The following KIRREL3 variants were observed in gnomAD, a reference collection of about 807,000 sequenced individuals.
KIRREL3 encodes kirre like nephrin family adhesion molecule 3, also known as kin of IRRE-like protein 3.
In KIRREL3, 36 loss-of-function variants were observed where a neutral mutation model predicts 89.7. The ratio of observed to expected loss-of-function variants is 0.40; its 90% CI spans 0.31 to 0.53. The LOEUF (loss-of-function observed/expected upper bound fraction) is 0.53. Ranked by LOEUF, KIRREL3 falls within the 20% of genes least tolerant of loss-of-function variation. KIRREL3 has a pLI of 0.49. For missense variants in KIRREL3, 864 were observed against 1,056.6 expected, an observed-to-expected ratio of 0.82 and a Z score of 2.53; for synonymous variants, 445 against 441.4, an observed-to-expected ratio of 1.01 and a Z score of -0.10.
rs1591689163 is a variant in KIRREL3 at position 126,531,837 on chromosome 11, T to G, written c.134-5150A>C. On this transcript the variant is annotated intron_variant, in intron 2 of 16. Coordinates refer to ENST00000525144, the MANE Select transcript of KIRREL3 (RefSeq NM_032531.4). The surrounding 1 kb of genome is among the most constrained non-coding windows in gnomAD (Gnocchi z 4.7). Reference sequence around the variant, plus strand: ...CTTTTCTGTCTTGTGTTCCCAGCTGTGGGTGAGCACCGGTTACACGTCTGT... The same window carrying G: ...CTTTTCTGTCTTGTGTTCCCAGCTGGGGGTGAGCACCGGTTACACGTCTGT... 6.6e-6 allele frequency among the ~76,000 whole-genome samples: 1 copy of G among 152,212 alleles called. No homozygotes were observed. Among genetic ancestry groups the G allele is most frequent in the East Asian group, 1.9e-4 (1 of 5,190 alleles).
rs1943836913 is a variant in KIRREL3, at chr11:126,837,980, T to A, written c.55+162475A>T. Among the ~76,000 whole-genome samples the A allele has an allele frequency of 6.6e-6, 1 of 152,184 alleles. No homozygotes were observed. Among genetic ancestry groups the A allele is most frequent in the African/African-American group, 2.4e-5 (1 of 41,440 alleles). On this transcript the variant is annotated intron_variant, in intron 1 of 16. Coordinates refer to ENST00000525144, the MANE Select transcript of KIRREL3 (RefSeq NM_032531.4). This position sits in a 1 kb window ranked among gnomAD's most constrained non-coding sequence, Gnocchi z 4.7. Reference sequence around the variant, plus strand: ...TATCTTGGGTTATTTGGAATTCACGTTATTTATATTACTAATCCTGTCCCC... The same window carrying A: ...TATCTTGGGTTATTTGGAATTCACGATATTTATATTACTAATCCTGTCCCC...
chr11:126,860,228 A>T lies in KIRREL3; in HGVS notation c.55+140227T>A, dbSNP rs1944662387. On this transcript the variant is annotated intron_variant, in intron 1 of 16. Transcript: ENST00000525144. The surrounding 1 kb of genome is among the most constrained non-coding windows in gnomAD (Gnocchi z 4.6). ...GTACTTGGTGCTGGGAATATAAAAG[A>T]TAAGTTCTCCAACACCACACTGTGA... Among the ~76,000 whole-genome samples, 1 of 152,234 alleles carries T rather than the reference A, an allele frequency of 6.6e-6. No individual in the cohort carries two copies. The highest frequency in any genetic ancestry group is 2.4e-5 in the African/African-American group (1 of 41,456).
chr11:126,448,181 G>C (rs1295622033), intron 8 of KIRREL3, among the ~76,000 whole-genome samples: 3 of 151,548 alleles, frequency 2.0e-5, no homozygotes, highest in African/African-American at 7.3e-5. Context: ...TACTCGGGAG[G>C]CTGAGGCAGG....
chr11:126,431,644 G>T lies in KIRREL3; in HGVS notation c.1589-118C>A, dbSNP rs1591521330. ...GCCACATGGGGCCCTCCTGGGAAAT[G>T]CCTCAGTGGGGCCTGGGCAGGCACA... On this transcript the variant is annotated intron_variant, in intron 13 of 16. Transcript: ENST00000525144. The surrounding 1 kb of genome is among the most constrained non-coding windows in gnomAD (Gnocchi z 7.1). 1 of 1,005,046 alleles carries T rather than the reference G, an allele frequency of 9.9e-7. No individual in the cohort carries two copies. The highest frequency in any genetic ancestry group is 1.5e-6 in the Non-Finnish European group (1 of 678,676). The allele number at this position is 1,005,046 out of a possible 1,614,324, so 62.3% of individuals were successfully genotyped here.
intron 1 of KIRREL3, among the ~76,000 whole-genome samples, chr11:126,718,377 C>T (rs554743951): frequency 2.0e-5 from 3 of 152,284 alleles, no homozygotes; most frequent in Admixed American, 1.3e-4. Context: ...AGAGGCTGCA[C>T]GGAAATGAAA....
chr11:126,529,637 C>A (rs4937148), intron 2 of KIRREL3, among the ~76,000 whole-genome samples: 21,067 of 58,724 alleles, frequency 0.36, 1,688 homozygotes, highest in Admixed American at 0.43. Context: ...TAGAGCCTCT[C>A]GCATTCTGTC....
At chr11:126,857,892 C>T (rs1230256167) in intron 1 of KIRREL3, among the ~76,000 whole-genome samples, 2 of 152,142 alleles carry the variant, frequency 1.3e-5, no homozygotes, top group African/African-American at 2.4e-5. Flanking sequence ...AGAAACCTAC[C>T]GCTATCCTCT....
chr11:126,895,897 T>C (rs1354737341), intron 1 of KIRREL3, among the ~76,000 whole-genome samples: 2 of 152,248 alleles, frequency 1.3e-5, no homozygotes, highest in African/African-American at 4.8e-5. Context: ...AAACACTCCT[T>C]GCAGCACTCA....
Position 126,489,225 on chromosome 11 carries a change from G to A in KIRREL3, c.434-15759C>T, listed in dbSNP as rs772584611. 1.5e-4 allele frequency among the ~76,000 whole-genome samples: 23 copies of A among 152,270 alleles called. 1 individual carries two copies. The highest frequency in any genetic ancestry group is 3.9e-4 in the Admixed American group (6 of 15,296). On this transcript the variant is annotated intron_variant, in intron 4 of 16. Coordinates refer to ENST00000525144, the MANE Select transcript of KIRREL3 (RefSeq NM_032531.4). This position sits in a 1 kb window ranked among gnomAD's most constrained non-coding sequence, Gnocchi z 5.5. ...GGCTGCATGGGAATCACTGCTGGCT[G>A]GACCCGGGTGCCTGGCTCGATGGGA...
rs781003812 is a variant in KIRREL3, at chr11:126,570,705, C to G, written c.56-7793G>C. On this transcript the variant is annotated intron_variant, in intron 1 of 16. Transcript: ENST00000525144. This position sits in a 1 kb window ranked among gnomAD's most constrained non-coding sequence, Gnocchi z 6.1. Reference sequence around the variant, plus strand: ...GGCTGGCATAGCTCTATCCCCCATGCGGCCAAGGCAGGCATTATCAGCAAC... The same window carrying G: ...GGCTGGCATAGCTCTATCCCCCATGGGGCCAAGGCAGGCATTATCAGCAAC... Among the ~76,000 whole-genome samples the G allele has an allele frequency of 6.6e-6, 1 of 152,184 alleles. No homozygotes were observed. Among genetic ancestry groups the G allele is most frequent in the South Asian group, 2.1e-4 (1 of 4,828 alleles).
At chr11:126,560,237 T>G (rs749890507) in intron 2 of KIRREL3, among the ~76,000 whole-genome samples, 1 of 152,144 alleles carries the variant, frequency 6.6e-6, no homozygotes, top group Non-Finnish European at 1.5e-5. Flanking sequence ...TATCTCCTTT[T>G]GATGGCTCAA....
chr11:126,540,195 A>T (rs549920234), intron 2 of KIRREL3, among the ~76,000 whole-genome samples: 33 of 152,244 alleles, frequency 2.2e-4, no homozygotes, highest in Non-Finnish European at 4.6e-4. Context: ...CCATCCCAGC[A>T]TCGCCACCTG....
At position 126,677,687 on chromosome 11, in the gene KIRREL3, C is replaced by T. The variant is rs1447277594; in HGVS notation, c.56-114775G>A. On this transcript the variant is annotated intron_variant, in intron 1 of 16. Transcript: ENST00000525144. The surrounding 1 kb of genome is among the most constrained non-coding windows in gnomAD (Gnocchi z 5.1). ...GAAGACAGAAAATCCACCAGCAGCT[C>T]GCACGAGTGGGTCCTCCCAGAATGA... Among the ~76,000 whole-genome samples the T allele has an allele frequency of 6.6e-6, 1 of 152,102 alleles. No homozygotes were observed. The highest frequency in any genetic ancestry group is 1.5e-5 in the Non-Finnish European group (1 of 68,004).
At chr11:126,720,630 C>A (rs1948132247) in intron 1 of KIRREL3, among the ~76,000 whole-genome samples, 1 of 152,182 alleles carries the variant, frequency 6.6e-6, no homozygotes, top group African/African-American at 2.4e-5. Flanking sequence ...ACATTCACCA[C>A]CCAAACACAG....
rs1164296488 is a variant in KIRREL3, at chr11:126,425,092, G to T, written c.1894-69C>A. Reference sequence around the variant, plus strand: ...CACTGAGCGTGGCTGGGGTTTCCAGGCTGAGCCCGTCCCCTTATGCGGGGA... The same window carrying T: ...CACTGAGCGTGGCTGGGGTTTCCAGTCTGAGCCCGTCCCCTTATGCGGGGA... On this transcript the variant is annotated intron_variant, in intron 16 of 16. Coordinates refer to ENST00000525144, the MANE Select transcript of KIRREL3 (RefSeq NM_032531.4). The T allele has an allele frequency of 2.9e-6, 4 of 1,377,102 alleles. No homozygotes were observed. The Admixed American group carries it at 8.5e-5, about 29-fold the overall frequency. The allele number at this position is 1,377,102 out of a possible 1,614,324, so 85.3% of individuals were successfully genotyped here. A position where few individuals can be genotyped will look rare whatever the true frequency, so the allele number is the denominator to read the frequency against.
rs1239368664 is a variant in KIRREL3 at position 126,622,193 on chromosome 11, C to T, written c.56-59281G>A. On this transcript the variant is annotated intron_variant, in intron 1 of 16. Coordinates refer to ENST00000525144, the MANE Select transcript of KIRREL3 (RefSeq NM_032531.4). This position sits in a 1 kb window ranked among gnomAD's most constrained non-coding sequence, Gnocchi z 5.2. The stretch of plus-strand genomic sequence containing the variant: ...GTGTTTTACATACAGTAATTGTTCA[C>T]TTGCTAAATCAGCCAGTAGAGAACT... 1.3e-5 allele frequency among the ~76,000 whole-genome samples: 2 copies of T among 152,230 alleles called. No individual in the cohort carries two copies. Among genetic ancestry groups the T allele is most frequent in the Non-Finnish European group, 1.5e-5 (1 of 68,046 alleles).
At chr11:126,717,694 C>T (rs754468784) in intron 1 of KIRREL3, among the ~76,000 whole-genome samples, 26 of 152,200 alleles carry the variant, frequency 1.7e-4, no homozygotes, top group Non-Finnish European at 2.4e-4. Context: ...TCCATCAGTG[C>T]TATTCTTCAT....
rs548841810 is a variant in KIRREL3, at chr11:126,534,640, G to A, written c.134-7953C>T. Among the ~76,000 whole-genome samples the A allele has an allele frequency of 3.9e-5, 6 of 152,308 alleles. No individual in the cohort carries two copies. The East Asian group carries it at 7.7e-4, about 20-fold the overall frequency. On this transcript the variant is annotated intron_variant, in intron 2 of 16. Transcript: ENST00000525144. Reference sequence around the variant, plus strand: ...CTGTTGTGACCTGCAGGGGCCGAGAGAGCACTGCGCCATCTGTCCCGGGGG... The same window carrying A: ...CTGTTGTGACCTGCAGGGGCCGAGAAAGCACTGCGCCATCTGTCCCGGGGG...
rs73031078 is a variant in KIRREL3 at position 126,492,438 on chromosome 11, C to T, written c.434-18972G>A. Among the ~76,000 whole-genome samples the T allele has an allele frequency of 0.035, 5,313 of 152,194 alleles. 128 individuals are homozygous for T. The highest frequency in any genetic ancestry group is 0.1 in the South Asian group (493 of 4,810). ...CTCAAGTACTTCCTCATTAGTTTTG[C>T]TGAAGTTACTTCCCTGCTCCCAGTT... On this transcript the variant is annotated intron_variant, in intron 4 of 16. Transcript: ENST00000525144. This position sits in a 1 kb window ranked among gnomAD's most constrained non-coding sequence, Gnocchi z 4.8.
Sources: gnomAD v4.1 joint callset for allele counts (sites outside exome capture counted in the v4.1 genomes callset) on GRCh38, gnomAD v4.1.1 for gene constraint, Gnocchi (gnomAD v3.1) non-coding constraint, MANE v1.5 for transcripts, NCBI Gene and HGNC (gene_info 2026-07-23, HGNC 2026-07-21) for gene names.